Variants in TPH1 observed in about 807,000 individuals in gnomAD.
TPH1 encodes the protein tryptophan 5-hydroxylase 1.
In TPH1, 37 loss-of-function variants were observed where a neutral mutation model predicts 49.5. That is an observed-to-expected ratio of 0.75 (90% CI 0.58 to 0.98). The LOEUF (loss-of-function observed/expected upper bound fraction) is 0.98. TPH1 is among the 50% of genes least tolerant of loss of function. The probability of loss-of-function intolerance (pLI) is 0.00; values close to 1 mark genes in which losing one functional copy is unlikely to be tolerated. For synonymous variants in TPH1, 160 were observed against 182.1 expected (o/e 0.88, Z 0.98); for missense variants, 487 against 523.6 (o/e 0.93, Z 0.68).
chr11:18,031,340 T>C (rs1847988713), intron 4 of TPH1, among the ~76,000 whole-genome samples: 1 of 152,216 alleles, frequency 6.6e-6, no homozygotes, highest in African/African-American at 2.4e-5. Flanking sequence ...TATATAAATA[T>C]ACCATGCTTC....
intron 1 of TPH1, among the ~76,000 whole-genome samples, chr11:18,043,876 A>C (rs1347055931): frequency 1.3e-5 from 2 of 151,924 alleles, no homozygotes; most frequent in African/African-American, 4.8e-5. Context: ...TTAAAAAAAA[A>C]AAAAAGAGAA....
intron 6 of TPH1, among the ~76,000 whole-genome samples, chr11:18,028,339 C>T (rs1269402822): frequency 2.6e-5 from 4 of 152,136 alleles, no homozygotes; most frequent in African/African-American, 9.7e-5. Flanking sequence ...TCTCCTCTAC[C>T]AAATAATGGG....
chr11:18,037,218 C>T (rs531203318), intron 2 of TPH1, among the ~76,000 whole-genome samples: 4 of 152,026 alleles, frequency 2.6e-5, no homozygotes, highest in South Asian at 2.1e-4. Context: ...ATTAGCCAGG[C>T]GTAGTGGCGC....
At chr11:18,035,080 G>A (rs540677586) in intron 3 of TPH1, among the ~76,000 whole-genome samples, 2 of 152,352 alleles carry the variant, frequency 1.3e-5, no homozygotes, top group East Asian at 1.9e-4. Flanking sequence ...AAGGATCGCC[G>A]GGCCTGCTGC....
At chr11:18,037,752 G>A (rs1261378560) in intron 2 of TPH1, among the ~76,000 whole-genome samples, 1 of 152,168 alleles carries the variant, frequency 6.6e-6, no homozygotes, top group African/African-American at 2.4e-5. Context: ...ATACGGTCTG[G>A]AAAATTCAGA....
chr11:18,036,500 G>A (rs1218407799), intron 2 of TPH1, among the ~76,000 whole-genome samples: 1 of 152,144 alleles, frequency 6.6e-6, no homozygotes, highest in Non-Finnish European at 1.5e-5. Context: ...TGATACCAAT[G>A]TTAGTCCTGG....
intron 2 of TPH1, among the ~76,000 whole-genome samples, chr11:18,038,636 A>G (rs1344518417): frequency 6.6e-6 from 1 of 152,242 alleles, no homozygotes; most frequent in Non-Finnish European, 1.5e-5. Context: ...AATGAGTGTG[A>G]TTAACTCAAG....
At chr11:18,026,728 G>C in intron 6 of TPH1, 103 bp from the exon 7 acceptor site, 2 of 1,383,662 alleles carry the variant, frequency 1.4e-6, no homozygotes, top group Non-Finnish European at 1.0e-6. Context: ...TTGATGGAAG[G>C]CATGGAAACT....
intron 6 of TPH1, among the ~76,000 whole-genome samples, chr11:18,028,134 G>A (rs529914636): frequency 1.3e-5 from 2 of 152,278 alleles, no homozygotes; most frequent in African/African-American, 4.8e-5. Context: ...CTTGAAGATA[G>A]ATCACTGATC....
chr11:18,024,356 C>T (rs1854396893), intron 8 of TPH1, among the ~76,000 whole-genome samples: 1 of 151,984 alleles, frequency 6.6e-6, no homozygotes, highest in Non-Finnish European at 1.5e-5. Context: ...CTATATTATA[C>T]AAAACAAAAA....
chr11:18,031,746 T>G (rs893102129), intron 4 of TPH1, among the ~76,000 whole-genome samples: 5 of 152,188 alleles, frequency 3.3e-5, no homozygotes, highest in African/African-American at 1.2e-4. Context: ...CCTCTGAACC[T>G]TTGCTCATAT....
At position 18,021,100 on chromosome 11, in the gene TPH1, T is replaced by C; in HGVS notation, c.1226A>G (p.Gln409Arg). Reference sequence around the variant, plus strand: ...TATGCTCTTGGTGTCTTTCAGGATCTGAATACTCCGTGTATATGGATTATA... The same window carrying C: ...TATGCTCTTGGTGTCTTTCAGGATCCGAATACTCCGTGTATATGGATTATA... ...VKYNPYTRSI[Q>R]ILKDTKSITS... is the part of the protein sequence containing the mutation. The change falls in exon 11 of 11, where the codon CAG becomes CGG. Residue 409 changes from glutamine to arginine, a missense_variant. Gln to Arg is a conservative substitution (Grantham distance 43, BLOSUM62 1). Transcript: ENST00000682019. The C allele has an allele frequency of 1.2e-6, 2 of 1,614,140 alleles. No individual in the cohort carries two copies. Among genetic ancestry groups the C allele is most frequent in the Admixed American group, 3.3e-5 (2 of 60,022 alleles).
At chr11:18,034,957 AGGT>A (rs1848029364) in intron 3 of TPH1, among the ~76,000 whole-genome samples, 1 of 152,100 alleles carries the variant, frequency 6.6e-6, no homozygotes, top group African/African-American at 2.4e-5. Context: ...AAAGACGGGG[AGGT>A]GGGAGATGGT....
chr11:18,040,554 A>G, intron 2 of TPH1, 92 bp downstream of exon 2: 2 of 1,280,656 alleles, frequency 1.6e-6, no homozygotes, highest in Admixed American at 2.1e-5. Flanking sequence ...TTTTTAAGAG[A>G]TAGGGTCTTG....
chr11:18,022,963 TA>T, intron 9 of TPH1, 32 bp from the exon 10 acceptor site: 1 of 1,610,634 alleles, frequency 6.2e-7, no homozygotes, highest in Non-Finnish European at 8.5e-7. Context: ...AATCAAAGAA[TA>T]ATATCTATTT....
At chr11:18,036,366 AAC>A (rs556998470) in intron 2 of TPH1, among the ~76,000 whole-genome samples, 87 of 152,352 alleles carry the variant, frequency 5.7e-4, no homozygotes, top group African/African-American at 2.0e-3. Context: ...CCAATAAAAT[AAC>A]ACACACTAGA....
chr11:18,022,930 T>G lies in TPH1; in HGVS notation c.1028A>C (p.His343Pro). 6.2e-7 allele frequency: 1 copy of G among 1,613,220 alleles called. No individual in the cohort carries two copies. Among genetic ancestry groups the G allele is most frequent in the Non-Finnish European group, 8.5e-7 (1 of 1,179,456 alleles). The stretch of plus-strand genomic sequence containing the variant: ...TACTTTGGCATGTCCAGAAAGTGCA[T>G]GCTAGAAGACAAAGAGTCAGTGAAT... Reference protein sequence around the residue: ...GLLSSISELKHALSGHAKVKP... With the variant: ...GLLSSISELKPALSGHAKVKP... The change falls in exon 10 of 11, where the codon CAT (histidine) becomes CCT (proline). Residue 343 changes from histidine (H) to proline (P), a missense_variant and splice_region_variant. Transcript: ENST00000682019.
chr11:18,036,221 A>C, intron 2 of TPH1, 79 bp from the exon 3 acceptor site: 1 of 1,095,694 alleles, frequency 9.1e-7, no homozygotes, highest in Non-Finnish European at 1.4e-6. Context: ...TTTAATTACC[A>C]CTAAAAATCA....
intron 2 of TPH1, among the ~76,000 whole-genome samples, chr11:18,037,374 AT>A (rs1297375666): frequency 6.8e-5 from 10 of 147,890 alleles, no homozygotes; most frequent in African/African-American, 1.5e-4. Context: ...AAAAAAAAAA[AT>A]ATTATCAGGG....
Sources: gnomAD v4.1 joint callset for allele counts (sites outside exome capture counted in the v4.1 genomes callset) on GRCh38, gnomAD v4.1.1 for gene constraint, MANE v1.5 for transcripts, NCBI Gene and HGNC (gene_info 2026-07-23, HGNC 2026-07-21) for gene names.